Variants in EVI5 observed in about 807,000 individuals in gnomAD.
EVI5 encodes ecotropic viral integration site 5.
In EVI5, 73 loss-of-function variants were observed where a neutral mutation model predicts 112.0. The ratio of observed to expected loss-of-function variants is 0.65; its 90% CI spans 0.54 to 0.79. The LOEUF (loss-of-function observed/expected upper bound fraction) is 0.79, where lower values mean the gene tolerates loss of function less well. Ranked by LOEUF, EVI5 falls within the 30% of genes least tolerant of loss-of-function variation. The pLI is 0.00. For missense variants in EVI5, 900 were observed against 968.8 expected (o/e 0.93, Z 0.94); for synonymous variants, 305 against 319.9 (o/e 0.95, Z 0.50).
intron 13 of EVI5, among the ~76,000 whole-genome samples, chr1:92,655,801 G>A (rs903829196): frequency 9.2e-5 from 14 of 152,126 alleles, no homozygotes; most frequent in African/African-American, 2.2e-4. Flanking sequence ...ATATGTACCC[G>A]ATATAGGAGG....
At position 92,607,732 on chromosome 1, in the gene EVI5, T is replaced by G. The variant is rs535868811; in HGVS notation, c.1828-5A>C. On this transcript the variant is annotated splice_region_variant and splice_polypyrimidine_tract_variant and intron_variant, in intron 16 of 19. Transcript: ENST00000684568. ...ATGGTTACTATTGATCTGGTTCTAATAATCAGAAATATAAATACTGAGACT... is the reference window on the plus strand; with the variant it reads ...ATGGTTACTATTGATCTGGTTCTAAGAATCAGAAATATAAATACTGAGACT... 1.9e-6 allele frequency: 3 copies of G among 1,574,450 alleles called. No homozygotes were observed. In the African/African-American group the frequency reaches 4.1e-5, roughly 22 times the overall value.
intron 18 of EVI5, among the ~76,000 whole-genome samples, chr1:92,593,111 C>T (rs1260268956): frequency 1.3e-5 from 2 of 152,160 alleles, no homozygotes; most frequent in East Asian, 1.9e-4. Flanking sequence ...GGCAGAGACA[C>T]AACAAAAAAA....
chr1:92,535,749 G>T (rs1297865080), intron 19 of EVI5, among the ~76,000 whole-genome samples: 1 of 152,054 alleles, frequency 6.6e-6, no homozygotes, highest in Admixed American at 6.6e-5. Context: ...TCACACACCG[G>T]GGCCTGTCGT....
At chr1:92,575,057 C>T (rs958401953) in intron 18 of EVI5, among the ~76,000 whole-genome samples, 1 of 152,122 alleles carries the variant, frequency 6.6e-6, no homozygotes, top group Admixed American at 6.6e-5. Context: ...GAAAGTGCCC[C>T]AGACTAGGAG....
intron 19 of EVI5, 136 bp from the exon 20 acceptor site, chr1:92,514,106 T>C (rs1216675211): frequency 1.2e-5 from 6 of 494,128 alleles, no homozygotes; most frequent in Non-Finnish European, 2.1e-5. Flanking sequence ...TTACTAATTT[T>C]TGAGTGCCTT....
At chr1:92,783,269 T>C (rs1685096222) in intron 1 of EVI5, among the ~76,000 whole-genome samples, 1 of 151,700 alleles carries the variant, frequency 6.6e-6, no homozygotes, top group Non-Finnish European at 1.5e-5. Flanking sequence ...CTCACGCCTG[T>C]AATCCCAGCA....
At chr1:92,676,363 G>T (rs1290734611) in intron 10 of EVI5, among the ~76,000 whole-genome samples, 4 of 142,250 alleles carry the variant, frequency 2.8e-5, no homozygotes, top group African/African-American at 1.0e-4. Flanking sequence ...AGGGAGGAGG[G>T]AGTCACTCCA....
At chr1:92,618,576 TG>T (rs1230831655) in intron 16 of EVI5, among the ~76,000 whole-genome samples, 2 of 152,110 alleles carry the variant, frequency 1.3e-5, no homozygotes, top group Non-Finnish European at 2.9e-5. Context: ...TTAAGGTCAA[TG>T]GGAAACTACA....
chr1:92,715,685 C>T (rs932970274), intron 2 of EVI5, among the ~76,000 whole-genome samples: 30 of 152,150 alleles, frequency 2.0e-4, no homozygotes, highest in Non-Finnish European at 3.7e-4. Flanking sequence ...CACAAGGCTT[C>T]GGGGGATTTC....
At chr1:92,783,739 G>A (rs1383826599) in intron 1 of EVI5, among the ~76,000 whole-genome samples, 2 of 150,250 alleles carry the variant, frequency 1.3e-5, no homozygotes, top group Admixed American at 1.3e-4. Flanking sequence ...TTAAACGCAG[G>A]AGGTGGAGGT....
intron 2 of EVI5, chr1:92,713,964 T>C: frequency 1.1e-6 from 1 of 922,058 alleles, no homozygotes; most frequent in Non-Finnish European, 1.3e-6. Flanking sequence ...CCCTCCTTAA[T>C]TAAAATGCAA....
chr1:92,526,934 G>C (rs764485387), intron 19 of EVI5, among the ~76,000 whole-genome samples: 1 of 152,156 alleles, frequency 6.6e-6, no homozygotes, highest in Non-Finnish European at 1.5e-5. Flanking sequence ...CAGGAGAAAG[G>C]CAGAAGGTGT....
intron 19 of EVI5, among the ~76,000 whole-genome samples, chr1:92,529,063 A>G (rs912386362): frequency 2.0e-5 from 3 of 152,206 alleles, no homozygotes; most frequent in Admixed American, 2.0e-4. Flanking sequence ...GATGACCAGT[A>G]AGTTATGTAT....
intron 1 of EVI5, among the ~76,000 whole-genome samples, chr1:92,758,523 T>C (rs1043399178): frequency 1.2e-4 from 18 of 151,130 alleles, no homozygotes; most frequent in African/African-American, 4.4e-4. Context: ...TGAGCCATTA[T>C]TCAGCCACTG....
chr1:92,773,741 T>C (rs1683752193), intron 1 of EVI5, among the ~76,000 whole-genome samples: 1 of 152,186 alleles, frequency 6.6e-6, no homozygotes, highest in Admixed American at 6.5e-5. Flanking sequence ...ACTCATTAAA[T>C]TGGTCAGGTG....
At chr1:92,539,727 A>T (rs989570307) in intron 19 of EVI5, among the ~76,000 whole-genome samples, 8 of 152,142 alleles carry the variant, frequency 5.3e-5, no homozygotes, top group Non-Finnish European at 7.4e-5. Flanking sequence ...CCTTCCATAC[A>T]ATTTACCCAT....
At chr1:92,633,692 T>A (rs868421862) in intron 14 of EVI5, among the ~76,000 whole-genome samples, 8 of 152,212 alleles carry the variant, frequency 5.3e-5, no homozygotes, top group African/African-American at 1.7e-4. Flanking sequence ...AATATTGTTA[T>A]GTGTGAATTT....
intron 2 of EVI5, among the ~76,000 whole-genome samples, chr1:92,711,259 T>C (rs549861982): frequency 1.3e-5 from 2 of 152,270 alleles, no homozygotes; most frequent in Admixed American, 6.5e-5. Flanking sequence ...CTGAAGTTCA[T>C]AAGCAAGGTG....
upstream of EVI5, among the ~76,000 whole-genome samples, chr1:92,789,704 G>A (rs76938886): frequency 0.036 from 5,424 of 152,256 alleles, 120 homozygotes; most frequent in Non-Finnish European, 0.054. Flanking sequence ...GTCTGGGAGG[G>A]GAACCCCTCT....
Sources: gnomAD v4.1 joint callset for allele counts (sites outside exome capture counted in the v4.1 genomes callset) on GRCh38, gnomAD v4.1.1 for gene constraint, MANE v1.5 for transcripts, NCBI Gene and HGNC (gene_info 2026-07-23, HGNC 2026-07-21) for gene names.